Variants in TOX observed in about 807,000 individuals in gnomAD.
TOX encodes thymocyte selection associated high mobility group box.
TOX carries 11 observed loss-of-function variants against 53.7 expected under a neutral mutation model. That is an observed-to-expected ratio of 0.20 (90% confidence interval 0.13 to 0.34). The LOEUF is 0.34. TOX is among the 10% of genes least tolerant of loss of function. The probability of loss-of-function intolerance (pLI) is 1.00; values close to 1 mark genes in which losing one functional copy is unlikely to be tolerated. For missense variants in TOX, 570 were observed against 664.6 expected (o/e 0.86, Z 1.56); for synonymous variants, 225 against 245.3 (o/e 0.92, Z 0.77).
chr8:58,821,251 T>C (rs1412874878), intron 6 of TOX, among the ~76,000 whole-genome samples: 1 of 152,118 alleles, frequency 6.6e-6, no homozygotes, highest in Non-Finnish European at 1.5e-5. Flanking sequence ...AAAGACAAAT[T>C]GAAAATATCA....
chr8:58,887,779 C>CT (rs1176653545), intron 3 of TOX, among the ~76,000 whole-genome samples: 14 of 151,914 alleles, frequency 9.2e-5, no homozygotes, highest in Non-Finnish European at 2.1e-4. Context: ...ACCTCTTAAA[C>CT]TTTTTAATTT....
chr8:58,915,700 G>A (rs1204583474), intron 3 of TOX, among the ~76,000 whole-genome samples: 1 of 151,762 alleles, frequency 6.6e-6, no homozygotes, highest in Non-Finnish European at 1.5e-5. Context: ...AAGCTGGATG[G>A]AGAATGATTT....
chr8:59,031,920 C>T (rs310372), intron 1 of TOX, among the ~76,000 whole-genome samples: 10,374 of 152,122 alleles, frequency 0.068, 1,120 homozygotes, highest in East Asian at 0.45. Flanking sequence ...TTGGATTTTC[C>T]CCCTCAGTTC....
At chr8:58,910,808 C>G (rs1456837522) in intron 3 of TOX, among the ~76,000 whole-genome samples, 1 of 152,116 alleles carries the variant, frequency 6.6e-6, no homozygotes, top group Non-Finnish European at 1.5e-5. Context: ...TGGTCTGAGT[C>G]CCCTATCCTG....
At chr8:58,928,573 T>C (rs1175038729) in intron 3 of TOX, among the ~76,000 whole-genome samples, 2 of 152,212 alleles carry the variant, frequency 1.3e-5, no homozygotes, top group Non-Finnish European at 2.9e-5. Flanking sequence ...TTATTCTATG[T>C]GAAAAATAGT....
chr8:59,012,786 A>G (rs1813931767), intron 1 of TOX, among the ~76,000 whole-genome samples: 1 of 152,124 alleles, frequency 6.6e-6, no homozygotes, highest in East Asian at 1.9e-4. Context: ...AAGGGGACTC[A>G]CCATCTTTCA....
chr8:58,982,335 G>A (rs1172273378), intron 1 of TOX, among the ~76,000 whole-genome samples: 2 of 152,170 alleles, frequency 1.3e-5, no homozygotes, highest in Non-Finnish European at 2.9e-5. Flanking sequence ...TCTTGGGAAT[G>A]AGCGCCCTTC....
At chr8:58,865,332 T>G (rs1285117836) in intron 3 of TOX, among the ~76,000 whole-genome samples, 1 of 152,182 alleles carries the variant, frequency 6.6e-6, no homozygotes, top group Non-Finnish European at 1.5e-5. Flanking sequence ...TGAATATTCA[T>G]GCCAACAATC....
chr8:58,909,333 C>T (rs1811871166), intron 3 of TOX, among the ~76,000 whole-genome samples: 1 of 152,006 alleles, frequency 6.6e-6, no homozygotes, highest in Non-Finnish European at 1.5e-5. Flanking sequence ...ACGTCCTGCA[C>T]ATGTATACCA....
At chr8:59,005,241 TGTTAGCC>T (rs1813768349) in intron 1 of TOX, among the ~76,000 whole-genome samples, 5 of 152,132 alleles carry the variant, frequency 3.3e-5, no homozygotes, top group Admixed American at 3.3e-4. Context: ...GGTTTCACCG[TGTTAGCC>T]AGGATGGTCT....
At chr8:59,116,609 T>G (rs116535812) in intron 1 of TOX, among the ~76,000 whole-genome samples, 137 of 152,290 alleles carry the variant, frequency 9.0e-4, no homozygotes, top group African/African-American at 3.2e-3. Flanking sequence ...TCGGGACCAG[T>G]GACAAATATA....
intron 3 of TOX, among the ~76,000 whole-genome samples, chr8:58,856,346 A>T (rs1000723034): frequency 3.3e-5 from 5 of 152,192 alleles, no homozygotes; most frequent in Admixed American, 6.5e-5. Flanking sequence ...TTAGTTCATG[A>T]CTAATGCATT....
At chr8:58,973,299 C>A (rs765310496) in intron 1 of TOX, among the ~76,000 whole-genome samples, 8 of 152,188 alleles carry the variant, frequency 5.3e-5, no homozygotes, top group Non-Finnish European at 7.3e-5. Context: ...GCATTTGTAA[C>A]AATCCATTTG....
chr8:59,044,115 A>G (rs550333286), intron 1 of TOX, among the ~76,000 whole-genome samples: 1 of 152,128 alleles, frequency 6.6e-6, no homozygotes, highest in South Asian at 2.1e-4. Context: ...CTGGGAGGTT[A>G]GCACCCATTC....
intron 1 of TOX, among the ~76,000 whole-genome samples, chr8:59,097,178 C>A (rs922057551): frequency 3.3e-5 from 5 of 152,184 alleles, no homozygotes; most frequent in Admixed American, 6.5e-5. Flanking sequence ...GTTCTGACCA[C>A]AGTTCCAAGA....
chr8:59,104,387 G>C (rs1179687503), intron 1 of TOX, among the ~76,000 whole-genome samples: 3 of 152,104 alleles, frequency 2.0e-5, no homozygotes, highest in Non-Finnish European at 4.4e-5. Flanking sequence ...CCCCCTCGGA[G>C]AGCCAAGGAT....
chr8:58,973,186 C>T (rs1813031497), intron 1 of TOX, among the ~76,000 whole-genome samples: 1 of 152,156 alleles, frequency 6.6e-6, no homozygotes, highest in African/African-American at 2.4e-5. Context: ...ATAATGCAGG[C>T]AACAAAGCTC....
intron 3 of TOX, among the ~76,000 whole-genome samples, chr8:58,910,077 G>A (rs1029108509): frequency 1.3e-5 from 2 of 152,182 alleles, no homozygotes; most frequent in Non-Finnish European, 1.5e-5. Flanking sequence ...GACCAATTTG[G>A]CATCATCTTA....
At chr8:58,854,051 G>T (rs970489868) in intron 3 of TOX, among the ~76,000 whole-genome samples, 7 of 152,110 alleles carry the variant, frequency 4.6e-5, no homozygotes, top group African/African-American at 1.7e-4. Flanking sequence ...TATCCTACAG[G>T]GGGGCAGTCT....
Sources: allele counts gnomAD v4.1 joint callset (sites outside exome capture counted in the v4.1 genomes callset), GRCh38; gene constraint gnomAD v4.1.1; transcripts MANE v1.5; gene names NCBI Gene and HGNC (gene_info 2026-07-23, HGNC 2026-07-21).